USP2: variants seen among roughly 807,000 people sequenced by gnomAD.
The protein encoded by USP2 is ubiquitin specific peptidase 2, also known as ubiquitin carboxyl-terminal hydrolase 2.
USP2 carries 33 observed loss-of-function variants against 72.0 expected under a neutral mutation model. That is an observed-to-expected ratio of 0.46 (90% CI 0.35 to 0.61). The LOEUF is 0.61. Ranked by LOEUF, USP2 falls within the 20% of genes least tolerant of loss-of-function variation. USP2 has a pLI of 0.01. For synonymous variants in USP2, 296 were observed against 312.5 expected (o/e 0.95, Z 0.56); for missense variants, 691 against 797.8 (o/e 0.87, Z 1.61).
chr11:119,379,373 G>T, intron 1 of USP2: 1 of 732,788 alleles, frequency 1.4e-6, no homozygotes, highest in Non-Finnish European at 1.7e-6. Context: ...ACAGAGGGGT[G>T]GGGGTGGAAC....
intron 2 of USP2, among the ~76,000 whole-genome samples, chr11:119,369,856 C>T (rs1236710923): frequency 1.3e-5 from 2 of 152,110 alleles, no homozygotes; most frequent in Non-Finnish European, 2.9e-5. Flanking sequence ...CAAGAACACC[C>T]AGGGCTGCCT....
intron 3 of USP2, among the ~76,000 whole-genome samples, chr11:119,359,896 T>C (rs1565304971): frequency 6.6e-6 from 1 of 152,196 alleles, no homozygotes; most frequent in Non-Finnish European, 1.5e-5. Flanking sequence ...AAGGGCGTGA[T>C]GTGATGGACA....
At chr11:119,360,919 T>C (rs1219183986) in intron 2 of USP2, among the ~76,000 whole-genome samples, 1 of 152,236 alleles carries the variant, frequency 6.6e-6, no homozygotes, top group African/African-American at 2.4e-5. Flanking sequence ...ATCCAGGTGC[T>C]ATCTCAAATG....
At chr11:119,372,145 C>T (rs1450097224) in intron 2 of USP2, among the ~76,000 whole-genome samples, 4 of 152,222 alleles carry the variant, frequency 2.6e-5, no homozygotes, top group Non-Finnish European at 4.4e-5. Context: ...CTACTTTCTC[C>T]AAAGCCAGAT....
chr11:119,372,516 AGT>A (rs1009698574), intron 2 of USP2, among the ~76,000 whole-genome samples, 189 bp downstream of exon 2: 5 of 152,206 alleles, frequency 3.3e-5, no homozygotes, highest in Admixed American at 1.3e-4. Context: ...TTCTAGGCAG[AGT>A]GGGAAGGCCC....
chr11:119,371,141 C>T (rs530244701), intron 2 of USP2, among the ~76,000 whole-genome samples: 5 of 152,230 alleles, frequency 3.3e-5, no homozygotes, highest in Admixed American at 2.0e-4. Context: ...TTGGATGAAT[C>T]GTTAAGCCCT....
chr11:119,374,389 G>C (rs148239084), intron 1 of USP2, among the ~76,000 whole-genome samples: 297 of 152,318 alleles, frequency 1.9e-3, no homozygotes, highest in Non-Finnish European at 3.2e-3. Context: ...GTCCTTCCCT[G>C]CTCCAGTCCT....
intron 2 of USP2, among the ~76,000 whole-genome samples, chr11:119,371,727 A>G (rs769666395): frequency 6.6e-6 from 1 of 152,112 alleles, no homozygotes; most frequent in Non-Finnish European, 1.5e-5. Context: ...ACATAAGGTA[A>G]TGGAGGAGAC....
At chr11:119,364,249 T>A (rs1950818079) in intron 2 of USP2, 1 of 1,003,624 alleles carries the variant, frequency 1.0e-6, no homozygotes, top group Non-Finnish European at 1.2e-6. Context: ...ACGTCAGCGC[T>A]GGGGCGGGGC....
chr11:119,377,632 G>A (rs746301173), intron 1 of USP2, among the ~76,000 whole-genome samples: 6 of 152,186 alleles, frequency 3.9e-5, no homozygotes, highest in Non-Finnish European at 5.9e-5. Context: ...TCCCTGGCCT[G>A]GTTATGAGCA....
intron 2 of USP2, among the ~76,000 whole-genome samples, chr11:119,368,419 C>T (rs1950883216): frequency 6.6e-6 from 1 of 152,232 alleles, no homozygotes; most frequent in Admixed American, 6.5e-5. Context: ...CACCTAGGAG[C>T]TCCAGGACAG....
At chr11:119,378,199 T>C (rs920366486) in intron 1 of USP2, among the ~76,000 whole-genome samples, 1 of 152,042 alleles carries the variant, frequency 6.6e-6, no homozygotes, top group Non-Finnish European at 1.5e-5. Flanking sequence ...TCCTTCCATC[T>C]GCACTCTGAC....
At chr11:119,366,717 G>A (rs1231112396) in intron 2 of USP2, among the ~76,000 whole-genome samples, 1 of 152,188 alleles carries the variant, frequency 6.6e-6, no homozygotes, top group Non-Finnish European at 1.5e-5. Flanking sequence ...TGGGGTGTGA[G>A]TCTGCTTTTG....
chr11:119,375,641 A>G (rs1950991003), intron 1 of USP2, among the ~76,000 whole-genome samples: 1 of 152,194 alleles, frequency 6.6e-6, no homozygotes. Flanking sequence ...TGCAAAGTCA[A>G]AGAGACTCCA....
Position 119,357,307 on chromosome 11 carries a change from T to G in USP2, c.1610A>C (p.Asn537Thr), listed in dbSNP as rs1024251423. Residue 537 changes from asparagine (N) to threonine (T), a missense_variant and splice_region_variant, in exon 12 of 13, where the codon AAC (asparagine) becomes ACC (threonine). Coordinates refer to ENST00000260187, the MANE Select transcript of USP2 (RefSeq NM_004205.5). ...AGCGTACAGGTTGTAAACAGCATGG[T>G]CTGAGGAGGAGGCAGCCGTCAAGCC... ...DLREFASENTNHAVYNLYAVS... is the reference protein window; with the variant it reads ...DLREFASENTTHAVYNLYAVS... 1 of 1,613,372 alleles carries G rather than the reference T, an allele frequency of 6.2e-7. No homozygotes were observed. The highest frequency in any genetic ancestry group is 8.5e-7 in the Non-Finnish European group (1 of 1,179,868).
intron 4 of USP2, 70 bp from the exon 5 acceptor site, chr11:119,359,412 A>G: frequency 6.3e-7 from 1 of 1,585,134 alleles, no homozygotes; most frequent in East Asian, 2.2e-5. Context: ...CTAGAATCCC[A>G]ACAAAAAGCA....
intron 2 of USP2, 60 bp from the exon 3 acceptor site, chr11:119,360,294 C>T: frequency 8.9e-6 from 14 of 1,573,612 alleles, no homozygotes; most frequent in Non-Finnish European, 1.2e-5. Context: ...CTGTGCTGGG[C>T]TCTCTCGTGC....
At chr11:119,361,550 T>C (rs1375221919) in intron 2 of USP2, among the ~76,000 whole-genome samples, 1 of 142,976 alleles carries the variant, frequency 7.0e-6, no homozygotes, top group Non-Finnish European at 1.5e-5. Context: ...AAATTACTCA[T>C]GCCGTGTGCT....
intron 1 of USP2, among the ~76,000 whole-genome samples, chr11:119,379,678 T>C (rs1482601622): frequency 6.6e-6 from 1 of 152,208 alleles, no homozygotes; most frequent in Non-Finnish European, 1.5e-5. Flanking sequence ...CTCTGAACCT[T>C]AGCTATTTAA....
Sources: allele counts gnomAD v4.1 joint callset (sites outside exome capture counted in the v4.1 genomes callset), GRCh38; gene constraint gnomAD v4.1.1; transcripts MANE v1.5; gene names NCBI Gene and HGNC (gene_info 2026-07-23, HGNC 2026-07-21).